CELF2: variants seen among roughly 807,000 people sequenced by gnomAD.
The protein encoded by CELF2 is CUGBP Elav-like family member 2, also known as CUG triplet repeat RNA-binding protein 2.
Under a neutral mutation model 62.6 loss-of-function variants are expected in CELF2, and 8 were observed. The ratio of observed to expected loss-of-function variants is 0.13; its 90% CI spans 0.07 to 0.23. The LOEUF is 0.23. Ranked by LOEUF, CELF2 falls within the 10% of genes least tolerant of loss-of-function variation. The pLI, the probability that CELF2 is intolerant of heterozygous loss-of-function variation, is 1.00. For synonymous variants in CELF2, 258 were observed against 250.0 expected (o/e 1.03, Z -0.30); for missense variants, 333 against 671.0 (o/e 0.50, Z 5.56).
chr10:10,975,933 C>A lies in CELF2; in HGVS notation c.89+55934C>A, dbSNP rs145743145. On this transcript the variant is annotated intron_variant, in intron 2 of 13. Transcript: ENST00000636488. ...ACTCCTATAAACCCACTTTCAATTACATGCAAATTAAGGGGTGGGTCAATG... is the reference window on the plus strand; with the variant it reads ...ACTCCTATAAACCCACTTTCAATTAAATGCAAATTAAGGGGTGGGTCAATG... Among the ~76,000 whole-genome samples, 149 of 152,326 alleles carry A rather than the reference C, an allele frequency of 9.8e-4. 1 individual carries two copies. Among genetic ancestry groups the A allele is most frequent in the African/African-American group, 3.4e-3 (143 of 41,572 alleles).
chr10:10,741,930 C>A, the CELF2 span, among the ~76,000 whole-genome samples: 1 of 152,168 alleles, frequency 6.6e-6, no homozygotes, highest in African/African-American at 2.4e-5. Context: ...TTCTCTATTT[C>A]ATTCTTTCTG....
At chr10:10,613,280 T>C in the CELF2 span, among the ~76,000 whole-genome samples, 47 of 152,298 alleles carry the variant, frequency 3.1e-4, no homozygotes, top group African/African-American at 1.1e-3. Context: ...CTTGACAACA[T>C]TATGCCCAGA....
chr10:10,574,872 GTT>G, the CELF2 span, among the ~76,000 whole-genome samples: 11 of 105,972 alleles, frequency 1.0e-4, no homozygotes, highest in Non-Finnish European at 1.4e-4. Context: ...ACCATGCCTG[GTT>G]TTTTTTTTTT....
intron 1 of CELF2, among the ~76,000 whole-genome samples, chr10:10,890,558 T>C (rs774210477): frequency 2.0e-5 from 3 of 152,254 alleles, no homozygotes; most frequent in Non-Finnish European, 4.4e-5. Flanking sequence ...TAGGATTTGC[T>C]CATTTGTTGA....
intron 1 of CELF2, among the ~76,000 whole-genome samples, chr10:10,904,642 AGGTTGTTTCTGTT>A (rs2063192277): frequency 6.6e-6 from 1 of 152,316 alleles, no homozygotes; most frequent in Admixed American, 6.5e-5. Context: ...CTGGGCATGC[AGGTTGTTTCTGTT>A]GCAGACGTCG....
Position 11,205,937 on chromosome 10 carries a change from A to G in CELF2, c.272-11488A>G, listed in dbSNP as rs1366660709. ...TACTTCAGCCTAGCCTTGGATTTCTATAGCCAAAGGGTTTGCCTCTCCATT... is the reference window on the plus strand; with the variant it reads ...TACTTCAGCCTAGCCTTGGATTTCTGTAGCCAAAGGGTTTGCCTCTCCATT... On this transcript the variant is annotated intron_variant, in intron 2 of 12. Transcript: ENST00000633077. 4.6e-5 allele frequency among the ~76,000 whole-genome samples: 7 copies of G among 152,228 alleles called. No homozygotes were observed. In the East Asian group the frequency reaches 1.2e-3, roughly 25 times the overall value.
chr10:10,735,352 T>C, the CELF2 span, among the ~76,000 whole-genome samples: 1 of 152,200 alleles, frequency 6.6e-6, no homozygotes. Flanking sequence ...ATCCGTGCCA[T>C]ATTTCGTGGG....
the CELF2 span, among the ~76,000 whole-genome samples, chr10:10,680,240 A>C: frequency 6.6e-6 from 1 of 152,114 alleles, no homozygotes; most frequent in Non-Finnish European, 1.5e-5. Flanking sequence ...AGTCCCCAAG[A>C]CCACCCCCAC....
At chr10:10,981,403 C>T (rs1045211651) in intron 2 of CELF2, among the ~76,000 whole-genome samples, 4 of 152,168 alleles carry the variant, frequency 2.6e-5, no homozygotes, top group Non-Finnish European at 5.9e-5. Flanking sequence ...GAAGAAGTGG[C>T]CGGCATATGT....
chr10:10,913,829 GGGAA>G (rs1261588643), intron 1 of CELF2, among the ~76,000 whole-genome samples: 5 of 138,634 alleles, frequency 3.6e-5, no homozygotes, highest in East Asian at 2.3e-4. Context: ...AAGGGAGGGA[GGGAA>G]GGAAGGAAGG....
intron 1 of CELF2, among the ~76,000 whole-genome samples, chr10:10,836,299 G>A (rs2058282077): frequency 6.6e-6 from 1 of 152,202 alleles, no homozygotes; most frequent in South Asian, 2.1e-4. Flanking sequence ...AATAAGAGTA[G>A]CTGGAGAGAG....
At chr10:10,798,539 G>A (rs745561582), upstream of CELF2, 2 of 386,610 alleles carry the variant, frequency 5.2e-6, no homozygotes, top group African/African-American at 2.1e-5. Context: ...GCAGATTACC[G>A]GGGCTTTAAA....
the CELF2 span, among the ~76,000 whole-genome samples, chr10:10,727,843 A>G: frequency 6.6e-6 from 1 of 152,056 alleles, no homozygotes; most frequent in African/African-American, 2.4e-5. Flanking sequence ...CCTTTATGGT[A>G]TACAGTTACT....
chr10:10,665,237 A>G, the CELF2 span, among the ~76,000 whole-genome samples: 40,501 of 152,072 alleles, frequency 0.27, 5,688 homozygotes, highest in South Asian at 0.52. Context: ...ACAGGTGGAA[A>G]AAAACATGGA....
chr10:10,722,749 G>A, the CELF2 span, among the ~76,000 whole-genome samples: 3 of 152,164 alleles, frequency 2.0e-5, no homozygotes, highest in African/African-American at 7.2e-5. Flanking sequence ...GGGGTGATGG[G>A]AAAAATTAAC....
At chr10:10,492,484 A>C in the CELF2 span, among the ~76,000 whole-genome samples, 14 of 152,198 alleles carry the variant, frequency 9.2e-5, no homozygotes, top group South Asian at 2.1e-4. Context: ...TGCAAGCTGC[A>C]CTTGGAAAGC....
At chr10:10,736,398 T>TTCTTTC in the CELF2 span, among the ~76,000 whole-genome samples, 202 of 119,726 alleles carry the variant, frequency 1.7e-3, 1 homozygote, top group East Asian at 0.034. Context: ...CTTTCTTTCT[T>TTCTTTC]TTTTTTTTTT....
At chr10:10,515,136 G>A in the CELF2 span, among the ~76,000 whole-genome samples, 1 of 152,200 alleles carries the variant, frequency 6.6e-6, no homozygotes, top group Non-Finnish European at 1.5e-5. Context: ...GGGACAGAGG[G>A]TCCTGAGCAG....
the CELF2 span, among the ~76,000 whole-genome samples, chr10:10,509,598 T>C: frequency 3.3e-5 from 5 of 152,204 alleles, no homozygotes; most frequent in African/African-American, 1.2e-4. Flanking sequence ...ATTTTTGTAA[T>C]ATCAGCCAGA....
Sources: gnomAD v4.1 joint callset for allele counts (sites outside exome capture counted in the v4.1 genomes callset) on GRCh38, gnomAD v4.1.1 for gene constraint, MANE v1.5 for transcripts, NCBI Gene and HGNC (gene_info 2026-07-23, HGNC 2026-07-21) for gene names.